CTNNA2: variants seen among roughly 807,000 people sequenced by gnomAD.
The protein encoded by CTNNA2 is catenin alpha-2.
Under a neutral mutation model 101.0 loss-of-function variants are expected in CTNNA2, and 42 were observed. The observed-to-expected ratio is 0.42, with a 90% confidence interval of 0.32 to 0.54. The LOEUF is 0.54. Among genes scored for constraint, CTNNA2 ranks in the 20% least tolerant of loss-of-function variants. CTNNA2 has a pLI of 0.14. For synonymous variants in CTNNA2, 450 were observed against 456.4 expected (o/e 0.99, Z 0.18); for missense variants, 871 against 1,223.1 (o/e 0.71, Z 4.29).
intron 8 of CTNNA2, among the ~76,000 whole-genome samples, chr2:80,396,731 T>G (rs1678048454): frequency 6.6e-6 from 1 of 152,196 alleles, no homozygotes; most frequent in Admixed American, 6.5e-5. Context: ...CCCAAACATT[T>G]CTCTCTGAGA....
chr2:80,547,592 G>T (rs1295311728), intron 11 of CTNNA2, among the ~76,000 whole-genome samples: 3 of 150,982 alleles, frequency 2.0e-5, no homozygotes, highest in South Asian at 2.1e-4. Flanking sequence ...TATTCCCAAG[G>T]TCTTTGTTTT....
intron 7 of CTNNA2, among the ~76,000 whole-genome samples, chr2:80,014,249 G>A (rs1693982512): frequency 1.3e-5 from 2 of 152,072 alleles, no homozygotes; most frequent in Admixed American, 1.3e-4. Context: ...GATATTAAAT[G>A]TAGTATGAGC....
At chr2:79,587,579 C>T (rs1676577895) in intron 1 of CTNNA2, among the ~76,000 whole-genome samples, 1 of 152,106 alleles carries the variant, frequency 6.6e-6, no homozygotes, top group African/African-American at 2.4e-5. Flanking sequence ...CACTAATGTC[C>T]ACTCTTCTAG....
At chr2:79,434,314 G>T (rs547987007) in intron 4 of CTNNA2, among the ~76,000 whole-genome samples, 11 of 141,762 alleles carry the variant, frequency 7.8e-5, no homozygotes, top group South Asian at 2.3e-4. Flanking sequence ...AAAAAAAAAA[G>T]GAAGAAGGAG....
intron 7 of CTNNA2, among the ~76,000 whole-genome samples, chr2:80,093,632 G>C (rs922056409): frequency 2.8e-4 from 42 of 152,108 alleles, no homozygotes; most frequent in Non-Finnish European, 1.0e-4. Context: ...CAGAGTAAAA[G>C]TGTTCCTATT....
intron 7 of CTNNA2, among the ~76,000 whole-genome samples, chr2:80,345,792 T>C (rs1302609655): frequency 6.6e-6 from 1 of 152,214 alleles, no homozygotes. Context: ...TAATTTGTAC[T>C]AAAATTCTAA....
chr2:79,835,250 G>C lies in CTNNA2; in HGVS notation c.299-22763G>C, dbSNP rs558098570. Among the ~76,000 whole-genome samples the C allele has an allele frequency of 4.6e-5, 7 of 152,098 alleles. No homozygotes were observed. The South Asian group carries it at 1.5e-3, about 32-fold the overall frequency. The stretch of plus-strand genomic sequence containing the variant: ...ATAACATTAAACATTTCATTTTTAA[G>C]TTGTTTATTTAAAACTTTTGTATAC... On this transcript the variant is annotated intron_variant, in intron 3 of 18. Transcript: ENST00000402739.
At chr2:79,392,505 G>A (rs1197532645) in intron 4 of CTNNA2, among the ~76,000 whole-genome samples, 1 of 152,180 alleles carries the variant, frequency 6.6e-6, no homozygotes, top group Non-Finnish European at 1.5e-5. Context: ...AAGAAAGTAT[G>A]ATCTCCTTAT....
chr2:79,875,048 A>G (rs951732768), intron 6 of CTNNA2, among the ~76,000 whole-genome samples: 9 of 152,170 alleles, frequency 5.9e-5, no homozygotes. Context: ...GATCCCACAC[A>G]GGACCCTGGT....
intron 1 of CTNNA2, among the ~76,000 whole-genome samples, chr2:79,552,563 T>A (rs933817138): frequency 3.3e-5 from 5 of 152,148 alleles, no homozygotes; most frequent in African/African-American, 1.2e-4. Flanking sequence ...GTAGAGGTTC[T>A]CCCTGAAGGC....
chr2:79,216,464 C>A (rs1245926139), intron 2 of CTNNA2, among the ~76,000 whole-genome samples: 1 of 150,330 alleles, frequency 6.7e-6, no homozygotes, highest in Non-Finnish European at 1.5e-5. Context: ...GGGATCAGGG[C>A]ACAGAGATAA....
At chr2:80,283,168 A>G (rs1489462762) in intron 7 of CTNNA2, among the ~76,000 whole-genome samples, 2 of 152,082 alleles carry the variant, frequency 1.3e-5, no homozygotes, top group African/African-American at 4.8e-5. Flanking sequence ...GAGGGGAGAA[A>G]AAGAGATGAG....
chr2:79,577,478 C>T (rs1324639039), intron 1 of CTNNA2, among the ~76,000 whole-genome samples: 1 of 151,944 alleles, frequency 6.6e-6, no homozygotes, highest in Non-Finnish European at 1.5e-5. Flanking sequence ...TGATGTCTAC[C>T]TTTTGATGCT....
intron 7 of CTNNA2, among the ~76,000 whole-genome samples, chr2:80,117,103 C>T (rs977406575): frequency 2.6e-5 from 4 of 152,074 alleles, no homozygotes; most frequent in Admixed American, 1.3e-4. Context: ...TGTCAGTTGT[C>T]GAGATACTCA....
chr2:79,552,122 T>C (rs1674142660), intron 1 of CTNNA2, among the ~76,000 whole-genome samples: 1 of 152,172 alleles, frequency 6.6e-6, no homozygotes, highest in East Asian at 1.9e-4. Context: ...CCTATGAGCC[T>C]GTAAAATCAA....
At chr2:80,572,698 A>G (rs567525349) in intron 12 of CTNNA2, 4 of 152,226 alleles carry the variant, frequency 2.6e-5, no homozygotes, top group African/African-American at 7.2e-5. Flanking sequence ...TTTTAGAAAT[A>G]TAGTTTTATT....
At chr2:79,228,985 T>C (rs1405084974) in intron 2 of CTNNA2, among the ~76,000 whole-genome samples, 1 of 152,190 alleles carries the variant, frequency 6.6e-6, no homozygotes, top group Non-Finnish European at 1.5e-5. Context: ...GCTAGCCAGT[T>C]ATCTTAGCAC....
chr2:79,205,519 T>C (rs963284678), intron 2 of CTNNA2, among the ~76,000 whole-genome samples: 1 of 152,212 alleles, frequency 6.6e-6, no homozygotes, highest in Non-Finnish European at 1.5e-5. Flanking sequence ...AAAAAGACTG[T>C]TAAGGAACAG....
At chr2:80,498,941 G>A (rs897477625) in intron 9 of CTNNA2, among the ~76,000 whole-genome samples, 10 of 152,144 alleles carry the variant, frequency 6.6e-5, no homozygotes, top group Admixed American at 6.5e-4. Flanking sequence ...ATTCAAGGCA[G>A]TCAGTTTGCA....
Sources: allele counts gnomAD v4.1 joint callset (sites outside exome capture counted in the v4.1 genomes callset), GRCh38; gene constraint gnomAD v4.1.1; transcripts MANE v1.5; gene names NCBI Gene and HGNC (gene_info 2026-07-23, HGNC 2026-07-21).